Variants in ABLIM1 observed in about 807,000 individuals in gnomAD.
The protein encoded by ABLIM1 is actin binding LIM protein 1.
ABLIM1 carries 40 observed loss-of-function variants against 107.0 expected under a neutral mutation model. The ratio of observed to expected loss-of-function variants is 0.37; its 90% CI spans 0.29 to 0.49. The LOEUF (loss-of-function observed/expected upper bound fraction) is 0.49. Among genes scored for constraint, ABLIM1 ranks in the 20% least tolerant of loss-of-function variants. ABLIM1 has a pLI of 0.97. For missense variants in ABLIM1, 857 were observed against 1,008.5 expected (o/e 0.85, Z 2.04); for synonymous variants, 357 against 357.3 (o/e 1.00, Z 0.01).
chr10:114,544,745 A>T (rs1359472891), intron 6 of ABLIM1, among the ~76,000 whole-genome samples: 1 of 152,142 alleles, frequency 6.6e-6, no homozygotes, highest in East Asian at 1.9e-4. Flanking sequence ...GGTCTAATAT[A>T]GCCTGTCCTA....
intron 6 of ABLIM1, among the ~76,000 whole-genome samples, chr10:114,531,632 C>T (rs113328206): frequency 0.016 from 2,380 of 152,304 alleles, 80 homozygotes; most frequent in African/African-American, 0.055. Context: ...ATTCTCTTGC[C>T]TCAGCCTCCC....
At chr10:114,444,779 CCTT>C (rs549660117) in intron 16 of ABLIM1, among the ~76,000 whole-genome samples, 64 of 152,260 alleles carry the variant, frequency 4.2e-4, no homozygotes, top group Middle Eastern at 3.4e-3. Context: ...AACAGACTGT[CCTT>C]CTGGGCTGCT....
chr10:114,787,595 C>A, the ABLIM1 span, among the ~76,000 whole-genome samples: 5 of 141,588 alleles, frequency 3.5e-5, no homozygotes, highest in South Asian at 2.3e-4. Flanking sequence ...GTCAGCCCCC[C>A]GCCCGGCCAG....
At chr10:114,565,988 G>A (rs1393105607) in intron 4 of ABLIM1, among the ~76,000 whole-genome samples, 1 of 151,760 alleles carries the variant, frequency 6.6e-6, no homozygotes, top group Non-Finnish European at 1.5e-5. Flanking sequence ...GTAGAGATGG[G>A]GTTTCACCGT....
the ABLIM1 span, among the ~76,000 whole-genome samples, chr10:114,797,462 T>C: frequency 1.3e-5 from 2 of 152,234 alleles, no homozygotes; most frequent in African/African-American, 4.8e-5. Context: ...CAGTCAATGT[T>C]TCCCTAGGTA....
At chr10:114,634,129 CTTTT>C (rs745875295) in intron 1 of ABLIM1, among the ~76,000 whole-genome samples, 32 of 68,286 alleles carry the variant, frequency 4.7e-4, no homozygotes, top group South Asian at 2.2e-3. Context: ...CTCAATTTTT[CTTTT>C]TTTTTTTTTT....
chr10:114,780,675 G>C, the ABLIM1 span, among the ~76,000 whole-genome samples: 3 of 152,022 alleles, frequency 2.0e-5, no homozygotes, highest in Non-Finnish European at 2.9e-5. Flanking sequence ...TGGTCTGTTG[G>C]GCCCAGTGCA....
intron 7 of ABLIM1, among the ~76,000 whole-genome samples, chr10:114,489,823 G>A (rs902811359): frequency 1.3e-5 from 2 of 152,234 alleles, no homozygotes; most frequent in African/African-American, 4.8e-5. Flanking sequence ...GATGTGCCGA[G>A]AGGGCACACA....
chr10:114,468,082 T>G, intron 11 of ABLIM1, 99 bp downstream of exon 11: 1 of 1,122,300 alleles, frequency 8.9e-7, no homozygotes, highest in Non-Finnish European at 1.3e-6. Context: ...TTTCTGTTCT[T>G]TTGTATGTTA....
chr10:114,690,768 GC>G (rs1323007383), intron 1 of ABLIM1: 10 of 270,858 alleles, frequency 3.7e-5, no homozygotes, highest in African/African-American at 2.0e-4. Context: ...TGCAACCTCT[GC>G]CTCCCAGGTT....
intron 6 of ABLIM1, among the ~76,000 whole-genome samples, chr10:114,494,023 T>C (rs1250789526): frequency 6.6e-6 from 1 of 152,154 alleles, no homozygotes; most frequent in African/African-American, 2.4e-5. Flanking sequence ...AAGTCTAAAA[T>C]AATTAAAGTA....
At chr10:114,504,128 G>C (rs2060805977) in intron 6 of ABLIM1, among the ~76,000 whole-genome samples, 1 of 152,190 alleles carries the variant, frequency 6.6e-6, no homozygotes, top group Non-Finnish European at 1.5e-5. Flanking sequence ...GACTTTGGCG[G>C]TGGTTACCAA....
At chr10:114,780,634 A>T in the ABLIM1 span, among the ~76,000 whole-genome samples, 7 of 152,144 alleles carry the variant, frequency 4.6e-5, no homozygotes, top group South Asian at 2.1e-4. Flanking sequence ...TGGTGGTGTG[A>T]AACTTCAGCA....
chr10:114,476,758 G>A (rs568371080), intron 8 of ABLIM1, among the ~76,000 whole-genome samples: 9 of 152,104 alleles, frequency 5.9e-5, no homozygotes, highest in African/African-American at 2.2e-4. Flanking sequence ...TTTACAAGGA[G>A]ATGCTACCCC....
At chr10:114,695,897 ACT>A (rs1354233438) in intron 1 of ABLIM1, among the ~76,000 whole-genome samples, 2 of 152,036 alleles carry the variant, frequency 1.3e-5, no homozygotes, top group Non-Finnish European at 2.9e-5. Flanking sequence ...GAGTTTCCAG[ACT>A]CTTATTGCCA....
chr10:114,456,934 TA>T (rs61165310), intron 12 of ABLIM1, among the ~76,000 whole-genome samples: 52,491 of 138,084 alleles, frequency 0.38, 9,447 homozygotes, highest in African/African-American at 0.48. Context: ...GTTTTTTTTT[TA>T]AAAAAAAAAA....
chr10:114,642,614 C>G (rs2078802372), intron 1 of ABLIM1, among the ~76,000 whole-genome samples: 1 of 152,030 alleles, frequency 6.6e-6, no homozygotes, highest in Non-Finnish European at 1.5e-5. Context: ...ACCTAAGAAG[C>G]AGATGTATTC....
intron 1 of ABLIM1, among the ~76,000 whole-genome samples, chr10:114,737,913 T>C (rs2082212754): frequency 6.6e-6 from 1 of 152,158 alleles, no homozygotes; most frequent in African/African-American, 2.4e-5. Flanking sequence ...GGATGATGGA[T>C]ATATGGATGT....
intron 19 of ABLIM1, among the ~76,000 whole-genome samples, chr10:114,440,596 C>T (rs117338509): frequency 0.013 from 1,943 of 152,240 alleles, 23 homozygotes; most frequent in South Asian, 0.025. Flanking sequence ...CAGGCATGTG[C>T]CACCAGCTAA....
Sources: gnomAD v4.1 joint callset for allele counts (sites outside exome capture counted in the v4.1 genomes callset) on GRCh38, gnomAD v4.1.1 for gene constraint, MANE v1.5 for transcripts, NCBI Gene and HGNC (gene_info 2026-07-23, HGNC 2026-07-21) for gene names.